Variants in MACF1 observed in about 807,000 individuals in gnomAD.
MACF1 encodes the protein microtubule actin crosslinking factor 1, also known as microtubule-actin cross-linking factor 1.
In MACF1, 193 loss-of-function variants were observed where a neutral mutation model predicts 854.8. The ratio of observed to expected loss-of-function variants is 0.23; its 90% CI spans 0.20 to 0.25. The LOEUF (loss-of-function observed/expected upper bound fraction) is 0.25. Among genes scored for constraint, MACF1 ranks in the 10% least tolerant of loss-of-function variants. The pLI is 1.00. For missense variants in MACF1, 7,722 were observed against 8,929.1 expected, an observed-to-expected ratio of 0.86 and a Z score of 5.45; for synonymous variants, 3,185 against 3,226.7, an observed-to-expected ratio of 0.99 and a Z score of 0.44.
chr1:39,296,805 A>AGAAC (rs1645920599), intron 20 of MACF1, among the ~76,000 whole-genome samples: 1 of 116,760 alleles, frequency 8.6e-6, no homozygotes, highest in Non-Finnish European at 1.7e-5. Context: ...AGGAAGGAAA[A>AGAAC]GAAAGAAAGG....
At chr1:39,088,722 T>C (rs1234996028) in intron 2 of MACF1, among the ~76,000 whole-genome samples, 1 of 152,190 alleles carries the variant, frequency 6.6e-6, no homozygotes, top group East Asian at 1.9e-4. Flanking sequence ...GAAGAAATGA[T>C]GTATCCCTTG....
Position 39,334,665 on chromosome 1 carries a change from A to G in MACF1, c.8077A>G (p.Ile2693Val). Residue 2693 changes from isoleucine (I) to valine (V), a missense_variant, in exon 37 of 101, where the codon ATC becomes GTC. Ile to Val is a conservative substitution (Grantham distance 29, BLOSUM62 3). This residue lies in a region of MACF1 where 1,531 missense variants were observed against 1,601.6 expected (regional missense o/e 0.96). Coordinates refer to ENST00000564288, the MANE Select transcript of MACF1 (RefSeq NM_001394062.1). Reference sequence around the variant, plus strand: ...AGAAGCCCAGGCAAATACTGGTGGAATCATAGATACTGCTACTGGAAAAAG... The same window carrying G: ...AGAAGCCCAGGCAAATACTGGTGGAGTCATAGATACTGCTACTGGAAAAAG... ...VLEAQANTGG[I>V]IDTATGKRLT... The G allele has an allele frequency of 6.2e-7, 1 of 1,614,144 alleles. No individual in the cohort carries two copies. Among genetic ancestry groups the G allele is most frequent in the Admixed American group, 1.7e-5 (1 of 60,022 alleles).
chr1:39,234,832 C>G (rs1233407045), intron 2 of MACF1, among the ~76,000 whole-genome samples: 18 of 27,332 alleles, frequency 6.6e-4, no homozygotes, highest in Non-Finnish European at 2.1e-3. Flanking sequence ...CAGACGGGGT[C>G]GCGGCTGGGC....
intron 2 of MACF1, among the ~76,000 whole-genome samples, chr1:39,231,473 T>C (rs565134324): frequency 6.6e-6 from 1 of 152,264 alleles, no homozygotes; most frequent in African/African-American, 2.4e-5. Flanking sequence ...TGCCTCAGCC[T>C]CCAAAGTGCT....
At chr1:39,431,684 G>A (rs1643877584) in intron 66 of MACF1, among the ~76,000 whole-genome samples, 1 of 152,162 alleles carries the variant, frequency 6.6e-6, no homozygotes, top group African/African-American at 2.4e-5. Context: ...AAAGACTGGA[G>A]AGGTCAGGCA....
chr1:39,416,960 C>G (rs1202965923), intron 58 of MACF1, among the ~76,000 whole-genome samples: 2 of 152,162 alleles, frequency 1.3e-5, no homozygotes, highest in East Asian at 3.8e-4. Flanking sequence ...TACAGGTTTG[C>G]TAAATTGGTG....
At chr1:39,086,998 A>T (rs1641688908) in intron 2 of MACF1, among the ~76,000 whole-genome samples, 1 of 152,150 alleles carries the variant, frequency 6.6e-6, no homozygotes, top group African/African-American at 2.4e-5. Flanking sequence ...AGCAGAGACG[A>T]GGCGGGACTG....
chr1:39,452,524 G>T, intron 86 of MACF1, 160 bp from the exon 87 acceptor site: 4 of 1,158,322 alleles, frequency 3.5e-6, no homozygotes, highest in South Asian at 1.5e-5. Flanking sequence ...AATGAATTCA[G>T]TTGATTTTCA....
chr1:39,470,830 C>G (rs1644762715), intron 97 of MACF1, among the ~76,000 whole-genome samples: 1 of 152,142 alleles, frequency 6.6e-6, no homozygotes, highest in African/African-American at 2.4e-5. Flanking sequence ...TATGATCAGA[C>G]TAAATAAAAG....
chr1:39,215,138 A>T (rs531178029), intron 1 of MACF1: 1 of 152,550 alleles, frequency 6.6e-6, no homozygotes, highest in African/African-American at 2.4e-5. Flanking sequence ...TGCCTGAGAC[A>T]TGGACCCAGT....
intron 14 of MACF1, 117 bp from the exon 15 acceptor site, chr1:39,287,169 T>C (rs1449845809): frequency 1.8e-6 from 2 of 1,132,704 alleles, no homozygotes; most frequent in Non-Finnish European, 1.2e-6. Context: ...CCATGTTGTC[T>C]AGGCTGGCTC....
chr1:39,333,114 C>G lies in MACF1; in HGVS notation c.6526C>G (p.His2176Asp). 6.2e-7 allele frequency: 1 copy of G among 1,614,150 alleles called. No individual in the cohort carries two copies. The highest frequency in any genetic ancestry group is 8.5e-7 in the Non-Finnish European group (1 of 1,180,036). ...CTTTACATGTCAGAATGAACAAGCA[C>G]ACACTCTTGAGACTGAATATATTCA... is the stretch of plus-strand genomic sequence containing the variant. ...TSFTCQNEQA[H>D]TLETEYIHDE... The change falls in exon 37 of 101, where the codon CAC (histidine) becomes GAC (aspartate). Residue 2176 changes from histidine to aspartate, a missense_variant. Coordinates refer to ENST00000564288, the MANE Select transcript of MACF1 (RefSeq NM_001394062.1).
chr1:39,388,497 C>A lies in MACF1; in HGVS notation c.15655C>A (p.Arg5219Ser). 1 of 1,614,090 alleles carries A rather than the reference C, an allele frequency of 6.2e-7. No homozygotes were observed. Among genetic ancestry groups the A allele is most frequent in the African/African-American group, 1.3e-5 (1 of 75,000 alleles). ...CGKLTERGKA[R>S]QEQLELTLGR... ...CAAACTGACAGAGAGGGGGAAAGCT[C>A]GTCAGGAACAGCTGGAACTGACACT... Residue 5219 changes from arginine (R) to serine (S), a missense_variant, in exon 58 of 101, where the codon CGT becomes AGT. Arg to Ser is a moderately radical substitution (Grantham distance 110). This residue lies in a region of MACF1 where 2,807 missense variants were observed against 3,235.8 expected (regional missense o/e 0.87). Coordinates refer to ENST00000564288, the MANE Select transcript of MACF1 (RefSeq NM_001394062.1).
In MACF1 at chr1:39,340,962, A is replaced by G. The variant is rs1400817239; in HGVS notation, c.10581+9A>G. On this transcript the variant is annotated intron_variant, in intron 40 of 100. Transcript: ENST00000564288. Reference sequence around the variant, plus strand: ...GCCTCCAACAGTATGAGGTAAACTCAAGCACATTTTCTTTGTCCTTTGAGT... The same window carrying G: ...GCCTCCAACAGTATGAGGTAAACTCGAGCACATTTTCTTTGTCCTTTGAGT... 3.2e-6 allele frequency: 5 copies of G among 1,587,234 alleles called. No individual in the cohort carries two copies. The highest frequency in any genetic ancestry group is 4.3e-6 in the Non-Finnish European group (5 of 1,168,370).
At chr1:39,477,045 GTATATATATATATATATATATATATATA>G (rs745911075) in intron 97 of MACF1, among the ~76,000 whole-genome samples, 1,975 of 63,724 alleles carry the variant, frequency 0.031, 139 homozygotes, top group African/African-American at 0.11. Context: ...TACACTTAGT[GTATATATATATATATATATATATATATA>G]TATATATATA....
chr1:39,442,556 G>A lies in MACF1; in HGVS notation c.19093G>A (p.Ala6365Thr), dbSNP rs760305671. 8 of 1,614,022 alleles carry A rather than the reference G, an allele frequency of 5.0e-6. No individual in the cohort carries two copies. Among genetic ancestry groups the A allele is most frequent in the African/African-American group, 1.3e-5 (1 of 75,016 alleles). ...CCCAAAAGTCATTGAAGTTGAGCTC[G>A]CAAAGCACCATGTAAGTATTTTCAT... is the stretch of plus-strand genomic sequence containing the variant. The part of the protein sequence containing the change: ...GDPKVIEVEL[A>T]KHHVLKNDVL... Residue 6365 changes from alanine to threonine, a missense_variant, in exon 77 of 101, where the codon GCA becomes ACA. Physicochemically the swap from Ala to Thr is moderately conservative, Grantham distance 58. Coordinates refer to ENST00000564288, the MANE Select transcript of MACF1 (RefSeq NM_001394062.1).
chr1:39,106,158 T>C (rs905380), intron 2 of MACF1, among the ~76,000 whole-genome samples: 35,841 of 151,660 alleles, frequency 0.24, 4,261 homozygotes, highest in Middle Eastern at 0.26. Context: ...TTTTGTCTCT[T>C]TGAGTCTCGG....
At chr1:39,254,533 G>C (rs1269392483) in intron 5 of MACF1, 158 bp downstream of exon 5, 2 of 630,712 alleles carry the variant, frequency 3.2e-6, no homozygotes, top group East Asian at 5.4e-5. Context: ...TTGTATTCTG[G>C]TTAGAGAAAT....
intron 2 of MACF1, among the ~76,000 whole-genome samples, chr1:39,234,174 C>CTCCCATGTCTACTTCTTTCTA (rs1553175917): frequency 6.6e-6 from 1 of 151,554 alleles, no homozygotes; most frequent in East Asian, 1.9e-4. Context: ...AATGAAAAGT[C>CTCCCATGTCTACTTCTTTCTA]TCCCATGTCT....
Sources: allele counts gnomAD v4.1 joint callset (sites outside exome capture counted in the v4.1 genomes callset), GRCh38; gene constraint gnomAD v4.1.1; regional missense constraint gnomAD v4.1.1; transcripts MANE v1.5; gene names NCBI Gene and HGNC (gene_info 2026-07-23, HGNC 2026-07-21).